MAN1C1: variants seen among roughly 807,000 people sequenced by gnomAD.
MAN1C1 encodes the protein mannosyl-oligosaccharide 1,2-alpha-mannosidase IC.
A neutral mutation model predicts 71.5 loss-of-function variants in MAN1C1; 49 were observed. That is an observed-to-expected ratio of 0.69 (90% CI 0.54 to 0.87). The LOEUF (loss-of-function observed/expected upper bound fraction) is 0.87, where lower values mean the gene tolerates loss of function less well. Among genes scored for constraint, MAN1C1 ranks in the 40% least tolerant of loss-of-function variants. MAN1C1 has a pLI of 0.00. For missense variants in MAN1C1, 743 were observed against 835.0 expected (o/e 0.89, Z 1.36); for synonymous variants, 352 against 343.7 (o/e 1.02, Z -0.27).
At chr1:25,707,823 G>T (rs2046544910) in intron 2 of MAN1C1, among the ~76,000 whole-genome samples, 1 of 152,184 alleles carries the variant, frequency 6.6e-6, no homozygotes, top group South Asian at 2.1e-4. Flanking sequence ...AACAAATATT[G>T]GGAGTAGAAA....
At chr1:25,716,638 G>A (rs2046685282) in intron 2 of MAN1C1, among the ~76,000 whole-genome samples, 1 of 152,150 alleles carries the variant, frequency 6.6e-6, no homozygotes, top group African/African-American at 2.4e-5. Flanking sequence ...TTAAAGACCA[G>A]GCTTACAGAC....
intron 2 of MAN1C1, among the ~76,000 whole-genome samples, chr1:25,718,270 C>T (rs1437954962): frequency 2.6e-5 from 4 of 152,194 alleles, no homozygotes; most frequent in Non-Finnish European, 5.9e-5. Flanking sequence ...TAAACCTCCT[C>T]ACAGTGTGTC....
intron 1 of MAN1C1, among the ~76,000 whole-genome samples, chr1:25,635,034 GT>G (rs1461509666): frequency 6.6e-6 from 1 of 151,388 alleles, no homozygotes; most frequent in Non-Finnish European, 1.5e-5. Flanking sequence ...ATGTCCCTTT[GT>G]TTTCTTTCTT....
At chr1:25,717,964 G>T (rs2046704994) in intron 2 of MAN1C1, among the ~76,000 whole-genome samples, 1 of 151,604 alleles carries the variant, frequency 6.6e-6, no homozygotes. Context: ...GGCTGTTCTA[G>T]TAGATGTGTG....
intron 2 of MAN1C1, among the ~76,000 whole-genome samples, chr1:25,728,873 A>T (rs2046870003): frequency 6.6e-6 from 1 of 152,170 alleles, no homozygotes; most frequent in Non-Finnish European, 1.5e-5. Context: ...CCTCAAATAA[A>T]GGCTGGGGAC....
In MAN1C1 at chr1:25,764,563, C is replaced by T. The variant is rs893504019; in HGVS notation, c.1141+596C>T. 2.0e-5 allele frequency among the ~76,000 whole-genome samples: 3 copies of T among 151,938 alleles called. No homozygotes were observed. The highest frequency in any genetic ancestry group is 2.0e-4 in the Admixed American group (3 of 15,252). On this transcript the variant is annotated intron_variant, in intron 7 of 11. Coordinates refer to ENST00000374332, the MANE Select transcript of MAN1C1 (RefSeq NM_020379.4). The surrounding 1 kb of genome is among the most constrained non-coding windows in gnomAD (Gnocchi z 4.4). ...GAGTAGCTGGGACTACAAGCATGTG[C>T]CACCATGTCTGGCTACTTTTTTTGT...
chr1:25,777,266 G>T (rs2047630988), intron 8 of MAN1C1, among the ~76,000 whole-genome samples: 1 of 152,194 alleles, frequency 6.6e-6, no homozygotes, highest in Non-Finnish European at 1.5e-5. Flanking sequence ...CCCCAGCCAT[G>T]GGCCAGGCCC....
intron 2 of MAN1C1, among the ~76,000 whole-genome samples, chr1:25,718,348 T>G (rs887574838): frequency 1.1e-4 from 16 of 152,192 alleles, no homozygotes; most frequent in African/African-American, 3.1e-4. Flanking sequence ...TTCTGACCTG[T>G]CTTGTTCTGG....
chr1:25,678,989 AAGAG>A (rs936803041), intron 1 of MAN1C1, among the ~76,000 whole-genome samples: 1 of 151,896 alleles, frequency 6.6e-6, no homozygotes, highest in African/African-American at 2.4e-5. Context: ...CAGAGACAAG[AAGAG>A]AGAGAGAGGA....
At chr1:25,655,676 C>T (rs577716957) in intron 1 of MAN1C1, among the ~76,000 whole-genome samples, 6 of 152,116 alleles carry the variant, frequency 3.9e-5, no homozygotes, top group Non-Finnish European at 5.9e-5. Flanking sequence ...TGTCTCTTAT[C>T]GGCCTCTAAT....
At chr1:25,763,729 C>T in intron 6 of MAN1C1, 145 bp from the exon 7 acceptor site, 1 of 671,236 alleles carries the variant, frequency 1.5e-6, no homozygotes, top group Non-Finnish European at 2.7e-6. Context: ...TTGGAGCCTG[C>T]AGTCCGTTGG....
At chr1:25,645,782 G>A (rs562829974) in intron 1 of MAN1C1, 2 of 152,302 alleles carry the variant, frequency 1.3e-5, no homozygotes, top group African/African-American at 4.8e-5. Context: ...AGATTTCCCC[G>A]ATATCTGAGC....
rs2046817602 is a variant in MAN1C1 at position 25,725,306 on chromosome 1, C to T, written c.638-21362C>T. Among the ~76,000 whole-genome samples, 2 of 152,196 alleles carry T rather than the reference C, an allele frequency of 1.3e-5. No individual in the cohort carries two copies. Among genetic ancestry groups the T allele is most frequent in the Non-Finnish European group, 2.9e-5 (2 of 68,030 alleles). ...TTCTAGGCCAGCTCTGGGATGGATG[C>T]TAGAGATGCAAAGGTGCACTGGCCA... On this transcript the variant is annotated intron_variant, in intron 2 of 11. Transcript: ENST00000374332. This position sits in a 1 kb window ranked among gnomAD's most constrained non-coding sequence, Gnocchi z 4.8.
At chr1:25,727,667 G>A (rs190502438) in intron 2 of MAN1C1, among the ~76,000 whole-genome samples, 5 of 152,366 alleles carry the variant, frequency 3.3e-5, no homozygotes, top group Admixed American at 6.5e-5. Flanking sequence ...TGTTGCTCAG[G>A]CCTTCCCCAC....
intron 2 of MAN1C1, among the ~76,000 whole-genome samples, chr1:25,739,198 A>G (rs528522161): frequency 2.0e-4 from 30 of 152,154 alleles, no homozygotes; most frequent in Non-Finnish European, 4.0e-4. Flanking sequence ...GATGATCACA[A>G]TGGTCTGCCC....
chr1:25,768,019 C>T (rs2047470842), intron 7 of MAN1C1, among the ~76,000 whole-genome samples: 1 of 126,090 alleles, frequency 7.9e-6, no homozygotes, highest in Non-Finnish European at 1.7e-5. Context: ...ACACACAGAC[C>T]CACACACCCA....
chr1:25,775,543 A>C lies in MAN1C1; in HGVS notation c.1258-2562A>C, dbSNP rs573201566. Reference sequence around the variant, plus strand: ...TGGCTTCTGCTGTCACACGGCACTCAGAGTCTGAGAGAGAGACAGATATAC... The same window carrying C: ...TGGCTTCTGCTGTCACACGGCACTCCGAGTCTGAGAGAGAGACAGATATAC... On this transcript the variant is annotated intron_variant, in intron 8 of 11. Transcript: ENST00000374332. This position sits in a 1 kb window ranked among gnomAD's most constrained non-coding sequence, Gnocchi z 5.1. Among the ~76,000 whole-genome samples the C allele has an allele frequency of 5.9e-5, 9 of 152,344 alleles. No individual in the cohort carries two copies. In the South Asian group the frequency reaches 1.9e-3, roughly 32 times the overall value.
intron 1 of MAN1C1, among the ~76,000 whole-genome samples, chr1:25,652,881 A>G (rs1056749980): frequency 6.6e-6 from 1 of 152,102 alleles, no homozygotes; most frequent in Non-Finnish European, 1.5e-5. Flanking sequence ...TCAGCCTTCA[A>G]AGTAGCTGGG....
At chr1:25,752,169 C>T (rs1258388525) in intron 4 of MAN1C1, among the ~76,000 whole-genome samples, 1 of 152,054 alleles carries the variant, frequency 6.6e-6, no homozygotes, top group African/African-American at 2.4e-5. Flanking sequence ...GTTGGCACGG[C>T]ACTTCACAGT....
Sources: allele counts gnomAD v4.1 joint callset (sites outside exome capture counted in the v4.1 genomes callset), GRCh38; gene constraint gnomAD v4.1.1; non-coding constraint Gnocchi (gnomAD v3.1); transcripts MANE v1.5; gene names NCBI Gene and HGNC (gene_info 2026-07-23, HGNC 2026-07-21).